KCNMA1: variants seen among roughly 807,000 people sequenced by gnomAD.
KCNMA1 encodes the protein Calcium-activated potassium channel subunit alpha-1.
A neutral mutation model predicts 140.0 loss-of-function variants in KCNMA1; 29 were observed. The observed-to-expected ratio is 0.21, with a 90% CI of 0.15 to 0.28. The LOEUF (loss-of-function observed/expected upper bound fraction) is 0.28, where lower values mean the gene tolerates loss of function less well. Ranked by LOEUF, KCNMA1 falls within the 10% of genes least tolerant of loss-of-function variation. The probability of loss-of-function intolerance (pLI) is 1.00; values close to 1 mark genes in which losing one functional copy is unlikely to be tolerated. For synonymous variants in KCNMA1, 612 were observed against 611.9 expected, an observed-to-expected ratio of 1.00 and a Z score of 0.00; for missense variants, 880 against 1,602.2, an observed-to-expected ratio of 0.55 and a Z score of 7.70.
intron 22 of KCNMA1, among the ~76,000 whole-genome samples, chr10:76,948,016 T>TTTG (rs1334172697): frequency 2.1e-4 from 32 of 152,108 alleles, no homozygotes; most frequent in African/African-American, 7.5e-4. Flanking sequence ...TGTTTTTGTT[T>TTTG]TTGTTTGAGG....
chr10:77,287,644 T>A (rs2071507594), intron 2 of KCNMA1, among the ~76,000 whole-genome samples: 2 of 152,166 alleles, frequency 1.3e-5, no homozygotes, highest in South Asian at 4.2e-4. Flanking sequence ...TAGATGGGAG[T>A]TGGCATGAGG....
intron 3 of KCNMA1, among the ~76,000 whole-genome samples, chr10:77,190,045 T>C (rs1386743124): frequency 1.3e-5 from 2 of 152,138 alleles, no homozygotes; most frequent in South Asian, 2.1e-4. Context: ...ATGTGACCCA[T>C]GTATTCCCTA....
chr10:77,112,293 T>C (rs1443028005), intron 7 of KCNMA1, 74 bp downstream of exon 7: 3 of 1,043,398 alleles, frequency 2.9e-6, no homozygotes, highest in Non-Finnish European at 4.5e-6. Flanking sequence ...AAGATAAATT[T>C]TAGGTAATAA....
intron 2 of KCNMA1, among the ~76,000 whole-genome samples, chr10:77,324,590 A>G (rs1555195452): frequency 6.6e-6 from 1 of 152,048 alleles, no homozygotes; most frequent in Admixed American, 6.6e-5. Context: ...TTTCTTCTGT[A>G]TAGAGACAGG....
At chr10:77,413,065 C>T (rs1342196709) in intron 1 of KCNMA1, among the ~76,000 whole-genome samples, 2 of 152,052 alleles carry the variant, frequency 1.3e-5, no homozygotes, top group East Asian at 3.9e-4. Flanking sequence ...ACCATGTTGG[C>T]CAGGCTGGTC....
intron 3 of KCNMA1, among the ~76,000 whole-genome samples, chr10:77,220,476 A>G (rs1392744185): frequency 1.3e-5 from 2 of 152,204 alleles, no homozygotes; most frequent in African/African-American, 4.8e-5. Context: ...CTAGGCTGGG[A>G]AAAACATTTC....
At chr10:76,917,957 C>G (rs2053659286) in intron 23 of KCNMA1, among the ~76,000 whole-genome samples, 1 of 152,146 alleles carries the variant, frequency 6.6e-6, no homozygotes, top group South Asian at 2.1e-4. Context: ...AGGAATGAGG[C>G]AATCCGGCCT....
chr10:76,914,130 C>T (rs1218823675), intron 24 of KCNMA1: 53 of 1,549,830 alleles, frequency 3.4e-5, no homozygotes, highest in East Asian at 7.3e-5. Flanking sequence ...GCAACTTGCC[C>T]GGTTTAGCTA....
chr10:77,588,213 G>T (rs1336525247), intron 1 of KCNMA1, among the ~76,000 whole-genome samples: 1 of 152,210 alleles, frequency 6.6e-6, no homozygotes, highest in Non-Finnish European at 1.5e-5. Flanking sequence ...CTCCAGCAAG[G>T]TCAGACATAA....
At chr10:77,616,990 G>A (rs1403073898) in intron 1 of KCNMA1, among the ~76,000 whole-genome samples, 1 of 152,184 alleles carries the variant, frequency 6.6e-6, no homozygotes, top group Non-Finnish European at 1.5e-5. Context: ...CAGAGGGCAT[G>A]TCCCTGATGA....
At chr10:76,967,795 G>C (rs2074523252) in intron 20 of KCNMA1, among the ~76,000 whole-genome samples, 1 of 152,114 alleles carries the variant, frequency 6.6e-6, no homozygotes, top group Non-Finnish European at 1.5e-5. Context: ...TCTGTAGCTT[G>C]GCAAGTTTCC....
chr10:76,899,148 T>C (rs1050515869), intron 25 of KCNMA1, among the ~76,000 whole-genome samples: 1 of 152,050 alleles, frequency 6.6e-6, no homozygotes, highest in Non-Finnish European at 1.5e-5. Flanking sequence ...GAGGAGAGTA[T>C]TAGGAAAAAA....
intron 5 of KCNMA1, among the ~76,000 whole-genome samples, chr10:77,181,425 G>A (rs1003976511): frequency 6.6e-6 from 1 of 152,160 alleles, no homozygotes; most frequent in Non-Finnish European, 1.5e-5. Flanking sequence ...CAGGGGTGCT[G>A]CTGATAGAAT....
intron 1 of KCNMA1, among the ~76,000 whole-genome samples, chr10:77,600,072 C>CG (rs2082154558): frequency 6.6e-6 from 1 of 152,180 alleles, no homozygotes; most frequent in Non-Finnish European, 1.5e-5. Flanking sequence ...CTGATCGCAT[C>CG]ATTTTTTCAG....
chr10:77,321,463 T>C (rs939827937), intron 2 of KCNMA1, among the ~76,000 whole-genome samples: 10 of 144,294 alleles, frequency 6.9e-5, no homozygotes, highest in Non-Finnish European at 1.1e-4. Flanking sequence ...CCTGAGGATA[T>C]TGTCAGTAAA....
intron 1 of KCNMA1, among the ~76,000 whole-genome samples, chr10:77,502,219 A>G (rs1158456756): frequency 1.3e-5 from 2 of 152,200 alleles, no homozygotes; most frequent in African/African-American, 4.8e-5. Context: ...TGACACTCCC[A>G]CTGACAATCG....
At chr10:77,548,351 G>A (rs887765917) in intron 1 of KCNMA1, among the ~76,000 whole-genome samples, 11 of 152,194 alleles carry the variant, frequency 7.2e-5, no homozygotes, top group Admixed American at 5.2e-4. Context: ...CGTGGACAAC[G>A]CCTGGTGCAA....
chr10:77,006,384 C>G (rs2088645290), intron 18 of KCNMA1, among the ~76,000 whole-genome samples: 1 of 152,140 alleles, frequency 6.6e-6, no homozygotes, highest in South Asian at 2.1e-4. Flanking sequence ...TATTTCCAAG[C>G]AAGAAACATG....
intron 2 of KCNMA1, among the ~76,000 whole-genome samples, chr10:77,377,925 T>C (rs934705906): frequency 1.3e-5 from 2 of 152,210 alleles, no homozygotes; most frequent in East Asian, 1.9e-4. Context: ...GCCTGGCTCA[T>C]AGTGAGACCT....
Sources: gnomAD v4.1 joint callset for allele counts (sites outside exome capture counted in the v4.1 genomes callset) on GRCh38, gnomAD v4.1.1 for gene constraint, MANE v1.5 for transcripts, NCBI Gene and HGNC (gene_info 2026-07-23, HGNC 2026-07-21) for gene names.